Variants in BPIFB4 observed in about 807,000 individuals in gnomAD.
The protein encoded by BPIFB4 is BPI fold-containing family B member 4.
BPIFB4 carries 62 observed loss-of-function variants against 69.2 expected under a neutral mutation model. That is an observed-to-expected ratio of 0.90 (90% CI 0.73 to 1.11). The LOEUF is 1.11. Among genes scored for constraint, BPIFB4 ranks in the 50% least tolerant of loss-of-function variants. The pLI is 0.00. For missense variants in BPIFB4, 789 were observed against 792.0 expected (o/e 1.00, Z 0.04); for synonymous variants, 330 against 332.7 (o/e 0.99, Z 0.09).
chr20:33,088,142 T>G (rs1981488712), intron 7 of BPIFB4, among the ~76,000 whole-genome samples: 1 of 152,070 alleles, frequency 6.6e-6, no homozygotes, highest in Non-Finnish European at 1.5e-5. Context: ...CTATACATCT[T>G]GTTTATCGTC....
chr20:33,109,295 TCA>T (rs1982167808), intron 17 of BPIFB4, among the ~76,000 whole-genome samples: 1 of 125,118 alleles, frequency 8.0e-6, no homozygotes, highest in Non-Finnish European at 1.9e-5. Flanking sequence ...TTTATCTTCA[TCA>T]TCATCATCAT....
intron 7 of BPIFB4, among the ~76,000 whole-genome samples, chr20:33,086,414 G>A (rs1464261847): frequency 6.6e-6 from 1 of 152,188 alleles, no homozygotes; most frequent in East Asian, 1.9e-4. Flanking sequence ...TGGAAAATAT[G>A]TCATTTGCGA....
chr20:33,090,830 G>A (rs1386997057), intron 10 of BPIFB4, 31 bp downstream of exon 10: 2 of 1,612,618 alleles, frequency 1.2e-6, no homozygotes, highest in East Asian at 2.2e-5. Flanking sequence ...GCAAAGGGTG[G>A]TGGCCCTCCT....
intron 16 of BPIFB4, among the ~76,000 whole-genome samples, chr20:33,107,257 GA>G (rs1555787111): frequency 7.0e-6 from 1 of 142,920 alleles, no homozygotes; most frequent in Non-Finnish European, 1.5e-5. Context: ...GAAAAGAAAA[GA>G]AGAGAAAAGA....
intron 14 of BPIFB4, 144 bp downstream of exon 14, chr20:33,100,637 A>G: frequency 1.5e-6 from 1 of 666,462 alleles, no homozygotes; most frequent in Non-Finnish European, 2.5e-6. Flanking sequence ...GCTCATGCCT[A>G]CCATTACCAC....
intron 13 of BPIFB4, 97 bp from the exon 14 acceptor site, chr20:33,100,321 AGGGTTAAC>A (rs1981871942): frequency 2.2e-6 from 2 of 915,182 alleles, no homozygotes; most frequent in African/African-American, 3.3e-5. Flanking sequence ...CATCATGCTC[AGGGTTAAC>A]GAAGCCCTAG....
chr20:33,090,742 G>A lies in BPIFB4; in HGVS notation c.1086G>A (p.Gln362=), dbSNP rs776470893. The part of the protein sequence containing the change: ...LIPLGILGSV[Q]YTFSSLPLVT... ...CTCTGGGGATATTGGGAAGTGTCCA[G>A]TACACCTTCTCCAGCCTCCCGCTTG... The change falls in exon 10 of 18, where the codon CAG becomes CAA. Residue 362 remains glutamine, a synonymous_variant. Transcript: ENST00000375483. 7.4e-6 allele frequency: 12 copies of A among 1,614,062 alleles called. No homozygotes were observed. The highest frequency in any genetic ancestry group is 6.7e-5 in the African/African-American group (5 of 74,926).
At chr20:33,095,938 C>G (rs1330814358) in intron 12 of BPIFB4, among the ~76,000 whole-genome samples, 1 of 152,128 alleles carries the variant, frequency 6.6e-6, no homozygotes, top group Admixed American at 6.5e-5. Flanking sequence ...TTACCTTGCA[C>G]CTGGAAGCAA....
At chr20:33,110,603 C>T (rs1182716792) in intron 17 of BPIFB4, among the ~76,000 whole-genome samples, 2 of 152,200 alleles carry the variant, frequency 1.3e-5, no homozygotes, top group African/African-American at 4.8e-5. Context: ...ACTGTTATGA[C>T]TGTGGTGTGT....
intron 17 of BPIFB4, among the ~76,000 whole-genome samples, chr20:33,110,195 A>G (rs1982195292): frequency 6.6e-6 from 1 of 152,228 alleles, no homozygotes; most frequent in Non-Finnish European, 1.5e-5. Flanking sequence ...GTCTCTTTAG[A>G]GTCCTCCAAG....
intron 17 of BPIFB4, among the ~76,000 whole-genome samples, chr20:33,110,682 G>A (rs1171539151): frequency 6.6e-6 from 1 of 151,360 alleles, no homozygotes; most frequent in East Asian, 1.9e-4. Flanking sequence ...CCGAGGAAGA[G>A]CTGTCCCTTC....
At position 33,085,436 on chromosome 20, in the gene BPIFB4, C is replaced by T. The variant is rs1981396215; in HGVS notation, c.782+440C>T. 3.3e-5 allele frequency among the ~76,000 whole-genome samples: 5 copies of T among 152,204 alleles called. No individual in the cohort carries two copies. In the South Asian group the frequency reaches 1.0e-3, roughly 32 times the overall value. ...TGCCACTGCACTCCAGCCTGGGCAA[C>T]AAGAGCAAAACTCCATCTCAAAATA... On this transcript the variant is annotated intron_variant, in intron 6 of 17. Coordinates refer to ENST00000375483, the MANE Select transcript of BPIFB4 (RefSeq NM_182519.3).
intron 14 of BPIFB4, 56 bp downstream of exon 14, chr20:33,100,549 GC>G: frequency 2.6e-6 from 4 of 1,516,462 alleles, no homozygotes; most frequent in Non-Finnish European, 3.7e-6. Flanking sequence ...TCATGGAGGA[GC>G]CACCAGGGAG....
chr20:33,109,132 G>C (rs1218493656), intron 17 of BPIFB4, among the ~76,000 whole-genome samples: 1 of 152,158 alleles, frequency 6.6e-6, no homozygotes, highest in Non-Finnish European at 1.5e-5. Context: ...GCACTGCTTT[G>C]AGCCTCAGTT....
intron 16 of BPIFB4, 151 bp downstream of exon 16, chr20:33,105,024 C>T: frequency 2.9e-6 from 2 of 700,990 alleles, no homozygotes; most frequent in African/African-American, 3.6e-5. Flanking sequence ...CCTCCAAATC[C>T]AAACGTGGCC....
intron 10 of BPIFB4, among the ~76,000 whole-genome samples, chr20:33,091,204 G>T (rs1226924480): frequency 6.6e-6 from 1 of 152,198 alleles, no homozygotes; most frequent in Non-Finnish European, 1.5e-5. Context: ...GGGATTGGGT[G>T]TACTGGAGGA....
Position 33,081,579 on chromosome 20 carries a change from C to A in BPIFB4, c.53C>A (p.Thr18Asn). The change falls in exon 3 of 18, where the codon ACC becomes AAC. Residue 18 changes from threonine (T) to asparagine (N), a missense_variant. This residue lies in a region of BPIFB4 where 611 missense variants were observed against 575.4 expected (regional missense o/e 1.06). Coordinates refer to ENST00000375483, the MANE Select transcript of BPIFB4 (RefSeq NM_182519.3). ...AALSVVAVCG[T>N]SHETNTVLRV... The stretch of plus-strand genomic sequence containing the variant: ...CTGTCTGTGGTGGCTGTGTGTGGCA[C>A]CAGCCACGAGACAAACACGGTCCTC... 1 of 1,551,726 alleles carries A rather than the reference C, an allele frequency of 6.4e-7. No homozygotes were observed. Among genetic ancestry groups the A allele is most frequent in the Non-Finnish European group, 8.7e-7 (1 of 1,147,010 alleles).
At chr20:33,091,161 C>T (rs182160796) in intron 10 of BPIFB4, among the ~76,000 whole-genome samples, 37 of 152,284 alleles carry the variant, frequency 2.4e-4, no homozygotes, top group Middle Eastern at 3.4e-3. Flanking sequence ...CCCAGGCAAT[C>T]GAGCTACTAG....
At chr20:33,101,506 G>A (rs140490150) in intron 14 of BPIFB4, among the ~76,000 whole-genome samples, 1 of 152,114 alleles carries the variant, frequency 6.6e-6, no homozygotes, top group African/African-American at 2.4e-5. Context: ...GATGCTTTCC[G>A]TGTGCCAGGT....
Sources: gnomAD v4.1 joint callset for allele counts (sites outside exome capture counted in the v4.1 genomes callset) on GRCh38, gnomAD v4.1.1 for gene constraint, gnomAD v4.1.1 regional missense constraint, MANE v1.5 for transcripts, NCBI Gene and HGNC (gene_info 2026-07-23, HGNC 2026-07-21) for gene names.